The following BICDL1 variants were observed in gnomAD, a reference collection of about 807,000 sequenced individuals.
The protein encoded by BICDL1 is BICD family-like cargo adapter 1.
Under a neutral mutation model 76.8 loss-of-function variants are expected in BICDL1, and 20 were observed. That is an observed-to-expected ratio of 0.26 (90% confidence interval 0.18 to 0.38). The LOEUF (loss-of-function observed/expected upper bound fraction) is 0.38, where lower values mean the gene tolerates loss of function less well. BICDL1 is among the 10% of genes least tolerant of loss of function. BICDL1 has a pLI of 1.00. For synonymous variants in BICDL1, 383 were observed against 337.1 expected (o/e 1.14, Z -1.49); for missense variants, 700 against 798.6 (o/e 0.88, Z 1.49).
intron 2 of BICDL1, among the ~76,000 whole-genome samples, chr12:119,999,467 A>G (rs989836841): frequency 7.9e-5 from 12 of 152,162 alleles, no homozygotes; most frequent in East Asian, 3.8e-4. Context: ...AGAGCAATTG[A>G]TTTTTATTGA....
intron 4 of BICDL1, among the ~76,000 whole-genome samples, chr12:120,065,877 A>G (rs1370535053): frequency 6.6e-6 from 1 of 152,196 alleles, no homozygotes; most frequent in Non-Finnish European, 1.5e-5. Context: ...CTAAGCTGAC[A>G]CCTGAGTGAT....
intron 8 of BICDL1, among the ~76,000 whole-genome samples, chr12:120,089,357 G>A (rs970210715): frequency 8.0e-5 from 12 of 150,388 alleles, no homozygotes; most frequent in East Asian, 3.9e-4. Context: ...TGTGTGTGAC[G>A]GAGTTCTGCT....
chr12:119,995,678 G>T (rs1486416995), intron 1 of BICDL1, among the ~76,000 whole-genome samples: 1 of 152,124 alleles, frequency 6.6e-6, no homozygotes, highest in Non-Finnish European at 1.5e-5. Flanking sequence ...TCTTGCTGAA[G>T]TTTCTACAGT....
chr12:120,073,611 C>A (rs1873286677), intron 6 of BICDL1, among the ~76,000 whole-genome samples: 1 of 152,184 alleles, frequency 6.6e-6, no homozygotes, highest in Admixed American at 6.5e-5. Flanking sequence ...CACATTTCTC[C>A]CCGACTTACC....
chr12:119,994,823 A>G (rs1159675982), intron 1 of BICDL1, among the ~76,000 whole-genome samples: 1 of 152,158 alleles, frequency 6.6e-6, no homozygotes, highest in African/African-American at 2.4e-5. Context: ...TTAGATTTCC[A>G]AAAGAGCTGG....
rs1382322267 is a variant in BICDL1, at chr12:119,990,317, G to A, written c.429+20G>A. 8 of 1,551,108 alleles carry A rather than the reference G, an allele frequency of 5.2e-6. No homozygotes were observed. The highest frequency in any genetic ancestry group is 7.0e-6 in the Non-Finnish European group (8 of 1,148,030). On this transcript the variant is annotated intron_variant, in intron 1 of 9. Transcript: ENST00000548673. ...CTCGAGGTGAGGACCTCCCTCCAGG[G>A]ATGGGTGGGGAGCAGGGGCCGCCCA...
chr12:120,080,637 C>T lies in BICDL1; in HGVS notation c.1453-250C>T, dbSNP rs144046705. The stretch of plus-strand genomic sequence containing the variant: ...GAGTGCAAAGGGAAGATCTGGCCTA[C>T]GGCTGCAGGTCCAGAGCTAAATTCC... On this transcript the variant is annotated intron_variant, in intron 7 of 9. Coordinates refer to ENST00000548673, the MANE Select transcript of BICDL1 (RefSeq NM_001367886.1). 1,317 of 360,632 alleles carry T rather than the reference C, an allele frequency of 3.7e-3. 8 individuals are homozygous for T. The highest frequency in any genetic ancestry group is 4.7e-3 in the Non-Finnish European group (891 of 188,098). The allele number at this position is 360,632 out of a possible 1,614,324, so 22.3% of individuals were successfully genotyped here. A position where few individuals can be genotyped will look rare whatever the true frequency, so the allele number is the denominator to read the frequency against.
chr12:120,064,874 C>A lies in BICDL1; in HGVS notation c.904C>A (p.Leu302Ile), dbSNP rs60893699. The A allele has an allele frequency of 6.2e-7, 1 of 1,607,648 alleles. No homozygotes were observed. Among genetic ancestry groups the A allele is most frequent in the Non-Finnish European group, 8.5e-7 (1 of 1,177,612 alleles). Reference sequence around the variant, plus strand: ...GGAGAGGCAGGGCCATGACAAGGACCTACAGGTACTGGGGTAGAGAAGCTG... The same window carrying A: ...GGAGAGGCAGGGCCATGACAAGGACATACAGGTACTGGGGTAGAGAAGCTG... ...ILERQGHDKD[L>I]QLHQSQLELQ... is the part of the protein sequence containing the mutation. The change falls in exon 4 of 10, where the codon CTA becomes ATA. Residue 302 changes from leucine (L) to isoleucine (I), a missense_variant. Physicochemically the swap from Leu to Ile is conservative, Grantham distance 5. Coordinates refer to ENST00000548673, the MANE Select transcript of BICDL1 (RefSeq NM_001367886.1).
chr12:120,040,126 A>T (rs1383759532), intron 2 of BICDL1, among the ~76,000 whole-genome samples: 1 of 151,780 alleles, frequency 6.6e-6, no homozygotes, highest in African/African-American at 2.4e-5. Flanking sequence ...CTTCTGAGAT[A>T]GAATCTCATT....
chr12:120,064,591 A>G (rs763363170), intron 3 of BICDL1, 142 bp from the exon 4 acceptor site: 72 of 735,548 alleles, frequency 9.8e-5, no homozygotes, highest in Non-Finnish European at 1.0e-4. Context: ...TTTCATAGCT[A>G]TTCTCTCAGA....
rs1290066772 is a variant in BICDL1, at chr12:120,079,588, G to A, written c.1453-1299G>A. On this transcript the variant is annotated intron_variant, in intron 7 of 9. Transcript: ENST00000548673. The surrounding 1 kb of genome is among the most constrained non-coding windows in gnomAD (Gnocchi z 4.3). ...TGACTCACGTCTGATCTTATCAACT[G>A]AGAAGAAGGGGCTCCCACCCTTTCA... is the stretch of plus-strand genomic sequence containing the variant. Among the ~76,000 whole-genome samples, 4 of 152,186 alleles carry A rather than the reference G, an allele frequency of 2.6e-5. No individual in the cohort carries two copies. Among genetic ancestry groups the A allele is most frequent in the Non-Finnish European group, 5.9e-5 (4 of 68,028 alleles).
intron 2 of BICDL1, among the ~76,000 whole-genome samples, chr12:120,034,654 C>G (rs914428270): frequency 6.6e-6 from 1 of 152,216 alleles, no homozygotes; most frequent in Non-Finnish European, 1.5e-5. Flanking sequence ...GTTCTCTGCT[C>G]AGAGTCTCAC....
At chr12:120,087,951 CAG>C (rs1264028222) in intron 8 of BICDL1, among the ~76,000 whole-genome samples, 1 of 152,182 alleles carries the variant, frequency 6.6e-6, no homozygotes, top group African/African-American at 2.4e-5. Context: ...TGTTTTGAGA[CAG>C]AGTTTCGCTC....
chr12:120,055,562 A>G (rs1015545972), intron 2 of BICDL1, among the ~76,000 whole-genome samples: 1 of 152,226 alleles, frequency 6.6e-6, no homozygotes, highest in African/African-American at 2.4e-5. Context: ...AGCAAATTAT[A>G]AAAAGAGTTT....
At chr12:120,057,826 T>TGTTTGTTTGTTTTTG in intron 2 of BICDL1, among the ~76,000 whole-genome samples, 1 of 129,202 alleles carries the variant, frequency 7.7e-6, no homozygotes, top group African/African-American at 3.4e-5. Context: ...TGCTTTTTTT[T>TGTTTGTTTGTTTTTG]TTTTTTTTTT....
intron 8 of BICDL1, among the ~76,000 whole-genome samples, chr12:120,089,587 G>C (rs1874783927): frequency 6.6e-6 from 1 of 151,970 alleles, no homozygotes. Context: ...TCTCCATGTT[G>C]GTCAGGCTGG....
intron 2 of BICDL1, among the ~76,000 whole-genome samples, chr12:120,016,768 G>T (rs1324874010): frequency 1.3e-5 from 2 of 151,266 alleles, no homozygotes; most frequent in African/African-American, 2.4e-5. Flanking sequence ...AAAGAAGCTT[G>T]TACCAGTTTA....
chr12:120,074,656 G>A, intron 7 of BICDL1, 70 bp downstream of exon 7: 1 of 998,034 alleles, frequency 1.0e-6, no homozygotes, highest in Non-Finnish European at 1.2e-6. Context: ...GGACCCTTTT[G>A]AGTTTCTCTC....
At chr12:120,077,852 G>A (rs1873678806) in intron 7 of BICDL1, among the ~76,000 whole-genome samples, 1 of 148,490 alleles carries the variant, frequency 6.7e-6, no homozygotes, top group South Asian at 2.3e-4. Context: ...CTTGAAAGTG[G>A]GACGCCCCTT....
Sources: allele counts gnomAD v4.1 joint callset (sites outside exome capture counted in the v4.1 genomes callset), GRCh38; gene constraint gnomAD v4.1.1; non-coding constraint Gnocchi (gnomAD v3.1); transcripts MANE v1.5; gene names NCBI Gene and HGNC (gene_info 2026-07-23, HGNC 2026-07-21).